ENTREP2: variants seen among roughly 807,000 people sequenced by gnomAD.
ENTREP2 encodes the protein protein ENTREP2.
At chr15:29,603,640 A>T in the ENTREP2 span, among the ~76,000 whole-genome samples, 5,165 of 152,058 alleles carry the variant, frequency 0.034, 125 homozygotes, top group Non-Finnish European at 0.043. Context: ...TTAATTAATT[A>T]ATTTATTTAT....
chr15:29,150,256 C>T, the ENTREP2 span, among the ~76,000 whole-genome samples: 2 of 152,298 alleles, frequency 1.3e-5, no homozygotes, highest in South Asian at 2.1e-4. Context: ...TTGAGAAGCA[C>T]GGCTCCACGC....
At chr15:29,643,774 C>CT in the ENTREP2 span, among the ~76,000 whole-genome samples, 15 of 137,874 alleles carry the variant, frequency 1.1e-4, no homozygotes, top group South Asian at 3.3e-3. Flanking sequence ...GAGCGAGACT[C>CT]TGTCTCAAAA....
chr15:29,604,753 C>T, the ENTREP2 span, among the ~76,000 whole-genome samples: 13,260 of 152,136 alleles, frequency 0.087, 986 homozygotes, highest in African/African-American at 0.2. Flanking sequence ...ATCTTTTATT[C>T]CCTATGAAAT....
chr15:29,219,112 G>GA, the ENTREP2 span, among the ~76,000 whole-genome samples: 34 of 146,726 alleles, frequency 2.3e-4, no homozygotes, highest in East Asian at 4.0e-4. Context: ...AAATCAGTAA[G>GA]AAAAAAAAAA....
chr15:29,592,749 A>C, the ENTREP2 span, among the ~76,000 whole-genome samples: 1 of 152,140 alleles, frequency 6.6e-6, no homozygotes, highest in Non-Finnish European at 1.5e-5. Context: ...CCTCATGAAT[A>C]GATTAATGCT....
the ENTREP2 span, among the ~76,000 whole-genome samples, chr15:29,308,734 A>C: frequency 6.6e-6 from 1 of 152,146 alleles, no homozygotes; most frequent in African/African-American, 2.4e-5. Context: ...ACCCAACCCC[A>C]ACATATGGAG....
the ENTREP2 span, among the ~76,000 whole-genome samples, chr15:29,405,802 G>A: frequency 7.9e-5 from 12 of 152,346 alleles, no homozygotes; most frequent in African/African-American, 2.9e-4. Flanking sequence ...GTTGGCCAGC[G>A]CCCACCTCCG....
At chr15:29,404,569 C>G in the ENTREP2 span, among the ~76,000 whole-genome samples, 1 of 151,932 alleles carries the variant, frequency 6.6e-6, no homozygotes, top group Non-Finnish European at 1.5e-5. Flanking sequence ...TCCTCCCCCA[C>G]TCACACTCCC....
chr15:29,644,934 C>G, the ENTREP2 span, among the ~76,000 whole-genome samples: 1 of 151,962 alleles, frequency 6.6e-6, no homozygotes, highest in Non-Finnish European at 1.5e-5. Context: ...ATCAGCCAGG[C>G]ATGGTAGCTC....
chr15:29,183,031 G>A, the ENTREP2 span, among the ~76,000 whole-genome samples: 4 of 152,038 alleles, frequency 2.6e-5, no homozygotes, highest in Admixed American at 6.6e-5. Flanking sequence ...TGAAAATACA[G>A]AAAATTTTTA....
At chr15:29,252,878 A>C in the ENTREP2 span, among the ~76,000 whole-genome samples, 1 of 152,204 alleles carries the variant, frequency 6.6e-6, no homozygotes, top group Non-Finnish European at 1.5e-5. Flanking sequence ...AAAATTTCAT[A>C]CACATGCAAA....
the ENTREP2 span, among the ~76,000 whole-genome samples, chr15:29,672,868 C>T: frequency 6.6e-6 from 1 of 152,106 alleles, no homozygotes; most frequent in African/African-American, 2.4e-5. Context: ...GTTCTTGGAT[C>T]TCACGCAAGA....
the ENTREP2 span, among the ~76,000 whole-genome samples, chr15:29,255,877 T>G: frequency 6.6e-6 from 1 of 151,678 alleles, no homozygotes; most frequent in Non-Finnish European, 1.5e-5. Context: ...GGTGGGCGCC[T>G]GTAGTACCAG....
chr15:29,644,294 A>C, the ENTREP2 span, among the ~76,000 whole-genome samples: 1 of 152,212 alleles, frequency 6.6e-6, no homozygotes, highest in Non-Finnish European at 1.5e-5. Flanking sequence ...ACAATGACAA[A>C]GGGGTGCAGA....
At chr15:29,335,355 C>A in the ENTREP2 span, among the ~76,000 whole-genome samples, 1 of 152,210 alleles carries the variant, frequency 6.6e-6, no homozygotes, top group African/African-American at 2.4e-5. Flanking sequence ...CAAAGGCCTG[C>A]ACTATCTTTG....
At chr15:29,449,986 T>A in the ENTREP2 span, among the ~76,000 whole-genome samples, 1 of 152,226 alleles carries the variant, frequency 6.6e-6, no homozygotes, top group Non-Finnish European at 1.5e-5. Context: ...TTGATTTGCA[T>A]TTCTCTAATG....
the ENTREP2 span, among the ~76,000 whole-genome samples, chr15:29,298,591 G>A: frequency 2.0e-5 from 3 of 151,978 alleles, no homozygotes; most frequent in African/African-American, 4.8e-5. Context: ...AAATTTATAG[G>A]AATACATTTG....
the ENTREP2 span, among the ~76,000 whole-genome samples, chr15:29,228,310 C>A: frequency 1.4e-5 from 2 of 146,598 alleles, no homozygotes; most frequent in African/African-American, 4.9e-5. Context: ...CACAGCAAGA[C>A]TCCGTCTCAA....
chr15:29,476,419 G>GA, the ENTREP2 span, among the ~76,000 whole-genome samples: 54 of 152,308 alleles, frequency 3.5e-4, no homozygotes, highest in African/African-American at 1.3e-3. Flanking sequence ...AGTGGGAGGA[G>GA]AAAATGACGT....
Sources: gnomAD v4.1 joint callset for allele counts (sites outside exome capture counted in the v4.1 genomes callset) on GRCh38, gnomAD v4.1.1 for gene constraint, MANE v1.5 for transcripts, NCBI Gene and HGNC (gene_info 2026-07-23, HGNC 2026-07-21) for gene names.